Variants in VEGFD observed in about 807,000 individuals in gnomAD.
The protein encoded by VEGFD is vascular endothelial growth factor D, also known as c-fos induced growth factor (vascular endothelial growth factor D).
A neutral mutation model predicts 28.0 loss-of-function variants in VEGFD; 26 were observed. That is an observed-to-expected ratio of 0.93 (90% CI 0.68 to 1.29). The LOEUF is 1.29. Among genes scored for constraint, VEGFD ranks in the 50% most tolerant of loss-of-function variants. VEGFD has a pLI of 0.00. For missense variants in VEGFD, 294 were observed against 273.4 expected, an observed-to-expected ratio of 1.08 and a Z score of -0.53; for synonymous variants, 93 against 95.5, an observed-to-expected ratio of 0.97 and a Z score of 0.15.
intron 3 of VEGFD, among the ~76,000 whole-genome samples, chrX:15,357,078 T>A (rs1433917287): frequency 8.9e-6 from 1 of 112,116 alleles, no homozygotes; most frequent in Non-Finnish European, 1.9e-5. Flanking sequence ...TGTAGTTTGA[T>A]GTACAGTTTT....
rs758888034 is a variant in VEGFD, at chrX:15,372,672, C to T, written c.91-9353G>A. Among the ~76,000 whole-genome samples the T allele has an allele frequency of 3.6e-5, 4 of 111,482 alleles. No homozygotes were observed. The South Asian group carries it at 1.5e-3, about 41-fold the overall frequency. ...AGGAACTCTCTATATTGTCTCTCTACTACTAATTTAGGGCATGAGAAATGC... is the reference window on the plus strand; with the variant it reads ...AGGAACTCTCTATATTGTCTCTCTATTACTAATTTAGGGCATGAGAAATGC... On this transcript the variant is annotated intron_variant, in intron 1 of 6. Transcript: ENST00000297904.
At chrX:15,367,340 C>T (rs776232062) in intron 1 of VEGFD, among the ~76,000 whole-genome samples, 29 of 111,920 alleles carry the variant, frequency 2.6e-4, no homozygotes, top group Non-Finnish European at 1.1e-4. Flanking sequence ...GATCATAGAT[C>T]GGGTTTGTGA....
chrX:15,381,772 T>A (rs1923577992), intron 1 of VEGFD, among the ~76,000 whole-genome samples: 1 of 86,140 alleles, frequency 1.2e-5, no homozygotes, highest in East Asian at 4.2e-4. Flanking sequence ...CTATAGGCAA[T>A]CCTTTCCTTC....
In VEGFD at chrX:15,347,294, C is replaced by T. The variant is rs1317337861; in HGVS notation, c.808G>A (p.Glu270Lys). The T allele has an allele frequency of 2.5e-6, 3 of 1,211,080 alleles. No individual in the cohort carries two copies. The highest frequency in any genetic ancestry group is 1.7e-5 in the African/African-American group (1 of 57,704). ...GGACATGGTGTTTTACAGACACACTCGCAACGATCTTCGTCAAACATCATG... is the reference window on the plus strand; with the variant it reads ...GGACATGGTGTTTTACAGACACACTTGCAACGATCTTCGTCAAACATCATG... ...PHMMFDEDRC[E>K]CVCKTPCPKD... Residue 270 changes from glutamate (E) to lysine (K), a missense_variant, in exon 6 of 7, where the codon GAG becomes AAG. Transcript: ENST00000297904.
At chrX:15,354,683 A>G (rs904714094) in intron 4 of VEGFD, among the ~76,000 whole-genome samples, 2 of 111,757 alleles carry the variant, frequency 1.8e-5, no homozygotes, top group African/African-American at 6.5e-5. Context: ...CCATTTGGTA[A>G]TCTTAAGGGG....
chrX:15,351,512 G>A (rs1922730523), intron 5 of VEGFD, among the ~76,000 whole-genome samples: 1 of 111,517 alleles, frequency 9.0e-6, no homozygotes, highest in Admixed American at 9.5e-5. Flanking sequence ...ACCATTCCCG[G>A]CCAACCCCAC....
In VEGFD at chrX:15,353,050, T is replaced by C. The variant is rs1922771252; in HGVS notation, c.742+18A>G. 1 of 1,008,469 alleles carries C rather than the reference T, an allele frequency of 9.9e-7. No individual in the cohort carries two copies. 83.1% of individuals were successfully genotyped at this position (1,008,469 alleles called of 1,213,427 possible). A position where few individuals can be genotyped will look rare whatever the true frequency, so the allele number is the denominator to read the frequency against. On this transcript the variant is annotated intron_variant, in intron 5 of 6. Transcript: ENST00000297904. ...ACTTTTATTATTACTGTTATTATTTTACTACTACTATCATTACCTTCTGTT... is the reference window on the plus strand; with the variant it reads ...ACTTTTATTATTACTGTTATTATTTCACTACTACTATCATTACCTTCTGTT...
chrX:15,363,081 G>T, intron 2 of VEGFD, 28 bp downstream of exon 2: 1 of 1,185,293 alleles, frequency 8.4e-7, no homozygotes, highest in African/African-American at 1.7e-5. Context: ...TAAAGAGAAA[G>T]AATTTGTCTC....
In VEGFD at chrX:15,355,218, G is replaced by A. The variant is rs1462483355; in HGVS notation, c.573C>T (p.Cys191=). The change falls in exon 4 of 7, where the codon TGC becomes TGT. Residue 191 remains cysteine, a synonymous_variant. Transcript: ENST00000297904. ...VKVANHTGCK[C]LPTAPRHPYS... is the part of the protein sequence containing the mutation. The stretch of plus-strand genomic sequence containing the variant: ...ATGGATGGCGGGGGGCTGTTGGCAA[G>A]CACTTACAACCTGTATGATTGGCAA... The A allele has an allele frequency of 8.3e-7, 1 of 1,203,937 alleles. No homozygotes were observed. Among genetic ancestry groups the A allele is most frequent in the Non-Finnish European group, 1.1e-6 (1 of 892,492 alleles).
At position 15,353,163 on chromosome X, in the gene VEGFD, G is replaced by A; in HGVS notation, c.647C>T (p.Ser216Phe). ...AATAGGACAGAGTTTCTTGGAATGGGAACAGCTAGGAAAAGAAAACAATGA... is the reference window on the plus strand; with the variant it reads ...AATAGGACAGAGTTTCTTGGAATGGAAACAGCTAGGAAAAGAAAACAATGA... ...SIQIPEEDRC[S>F]HSKKLCPIDM... The change falls in exon 5 of 7, where the codon TCC (serine) becomes TTC (phenylalanine). Residue 216 changes from serine (S) to phenylalanine (F), a missense_variant. Physicochemically the swap from Ser to Phe is radical, Grantham distance 155. Transcript: ENST00000297904. 9.2e-7 allele frequency: 1 copy of A among 1,088,857 alleles called. No homozygotes were observed. Among genetic ancestry groups the A allele is most frequent in the South Asian group, 2.1e-5 (1 of 46,785 alleles). The allele number at this position is 1,088,857 out of a possible 1,213,427, so 89.7% of individuals were successfully genotyped here.
intron 1 of VEGFD, among the ~76,000 whole-genome samples, chrX:15,376,185 C>T (rs1420845806): frequency 8.9e-6 from 1 of 111,733 alleles, no homozygotes; most frequent in Admixed American, 9.5e-5. Flanking sequence ...GATATATTTC[C>T]CAGCCCTACT....
intron 1 of VEGFD, among the ~76,000 whole-genome samples, chrX:15,383,008 G>A (rs1269572384): frequency 9.0e-6 from 1 of 111,654 alleles, no homozygotes. Flanking sequence ...TGCTGGGGGC[G>A]ATATCACCCC....
chrX:15,351,139 G>A (rs1288138774), intron 5 of VEGFD, among the ~76,000 whole-genome samples: 1 of 81,751 alleles, frequency 1.2e-5, no homozygotes, highest in Non-Finnish European at 2.3e-5. Flanking sequence ...TTTTTGAGAC[G>A]GAGTCTCGCT....
At chrX:15,365,193 C>T (rs1018831018) in intron 1 of VEGFD, among the ~76,000 whole-genome samples, 3 of 111,883 alleles carry the variant, frequency 2.7e-5, no homozygotes, top group African/African-American at 9.8e-5. Flanking sequence ...AGTGCAGTGG[C>T]ACCATCTCCG....
chrX:15,359,697 G>A (rs753817425), intron 2 of VEGFD, among the ~76,000 whole-genome samples: 1 of 111,349 alleles, frequency 9.0e-6, no homozygotes, highest in Non-Finnish European at 1.9e-5. Context: ...AGGTCCACAC[G>A]ACAAGGAACT....
At chrX:15,350,837 T>TTTC (rs200294950) in intron 5 of VEGFD, among the ~76,000 whole-genome samples, 17 of 62,068 alleles carry the variant, frequency 2.7e-4, no homozygotes, top group Admixed American at 1.4e-3. Context: ...TTCTTTTCTT[T>TTTC]TCTTTTTCTC....
intron 1 of VEGFD, among the ~76,000 whole-genome samples, chrX:15,372,288 T>G (rs1923328470): frequency 8.9e-6 from 1 of 111,966 alleles, no homozygotes; most frequent in African/African-American, 3.2e-5. Flanking sequence ...ATGAGGTTTT[T>G]CATGAACCCA....
rs767321293 is a variant in VEGFD, at chrX:15,382,077, A to T, written c.90+1780T>A. On this transcript the variant is annotated intron_variant, in intron 1 of 6. Coordinates refer to ENST00000297904, the MANE Select transcript of VEGFD (RefSeq NM_004469.5). ...GGCTCACGCCTGTAATCCCAGCACT[A>T]TGGGAGGCCAAGGCGGGCAGATCAT... Among the ~76,000 whole-genome samples, 10 of 111,497 alleles carry T rather than the reference A, an allele frequency of 9.0e-5. No individual in the cohort carries two copies. The East Asian group carries it at 1.1e-3, about 12-fold the overall frequency.
At chrX:15,372,376 T>C (rs1923331263) in intron 1 of VEGFD, among the ~76,000 whole-genome samples, 1 of 111,423 alleles carries the variant, frequency 9.0e-6, no homozygotes, top group Non-Finnish European at 1.9e-5. Flanking sequence ...TGTATCGTTA[T>C]ATACAATTTA....
Sources: gnomAD v4.1 joint callset for allele counts (sites outside exome capture counted in the v4.1 genomes callset) on GRCh38, gnomAD v4.1.1 for gene constraint, MANE v1.5 for transcripts, NCBI Gene and HGNC (gene_info 2026-07-23, HGNC 2026-07-21) for gene names.